The following PCDHA4 variants were observed in gnomAD, a reference collection of about 807,000 sequenced individuals.
The protein encoded by PCDHA4 is protocadherin alpha-4.
PCDHA4 carries 49 observed loss-of-function variants against 61.4 expected under a neutral mutation model. That is an observed-to-expected ratio of 0.80 (90% CI 0.63 to 1.01). PCDHA4 has a LOEUF of 1.01. Ranked by LOEUF, PCDHA4 falls within the 50% of genes least tolerant of loss-of-function variation. PCDHA4 has a pLI of 0.00. For missense variants in PCDHA4, 1,254 were observed against 1,235.8 expected (o/e 1.01, Z -0.22); for synonymous variants, 590 against 550.3 (o/e 1.07, Z -1.01).
intron 3 of PCDHA4, among the ~76,000 whole-genome samples, chr5:141,006,117 T>C (rs2098255751): frequency 6.6e-6 from 1 of 152,094 alleles, no homozygotes; most frequent in African/African-American, 2.4e-5. Flanking sequence ...TTTTTTTTTT[T>C]TTCTCAAGGC....
At chr5:140,967,699 T>C (rs781874469) in intron 1 of PCDHA4, 9 of 1,614,154 alleles carry the variant, frequency 5.6e-6, no homozygotes, top group Non-Finnish European at 7.6e-6. Context: ...TCAGCATAGA[T>C]GCCAGTACCG....
chr5:140,883,962 T>G, intron 1 of PCDHA4: 3 of 1,613,126 alleles, frequency 1.9e-6, no homozygotes, highest in Non-Finnish European at 2.5e-6. Context: ...GCTCCGGCGC[T>G]GCTGACGCCC....
At chr5:140,871,074 G>A (rs1210767724) in intron 1 of PCDHA4, 1 of 1,613,096 alleles carries the variant, frequency 6.2e-7, no homozygotes, top group African/African-American at 1.3e-5. Context: ...GTGAGCCGGC[G>A]CTGACGGCCA....
At chr5:140,860,913 A>G (rs1423371903) in intron 1 of PCDHA4, 5 of 152,086 alleles carry the variant, frequency 3.3e-5, no homozygotes, top group African/African-American at 9.7e-5. Flanking sequence ...AATTTTTTGT[A>G]TTTTTAGTAG....
chr5:140,841,750 A>G (rs1554138520), intron 1 of PCDHA4: 6 of 1,613,798 alleles, frequency 3.7e-6, no homozygotes, highest in Non-Finnish European at 5.1e-6. Context: ...TGTTTGTTTC[A>G]GAATCCAGAA....
chr5:140,870,229 C>G, intron 1 of PCDHA4: 3 of 1,614,164 alleles, frequency 1.9e-6, no homozygotes, highest in Non-Finnish European at 2.5e-6. Flanking sequence ...CGTGTCTGAC[C>G]GTGACTCAGG....
At chr5:140,882,606 C>A (rs782588313) in intron 1 of PCDHA4, 1 of 1,614,120 alleles carries the variant, frequency 6.2e-7, no homozygotes, top group African/African-American at 1.3e-5. Context: ...GTGGACAGGC[C>A]TCTGCAGGTT....
At chr5:140,851,058 T>G in intron 1 of PCDHA4, 1 of 1,377,986 alleles carries the variant, frequency 7.3e-7, no homozygotes, top group African/African-American at 1.5e-5. Context: ...TTGTCTTGAC[T>G]TCTAGTGAGA....
At chr5:140,968,659 C>A (rs781863651) in intron 1 of PCDHA4, 6 of 1,614,160 alleles carry the variant, frequency 3.7e-6, no homozygotes, top group East Asian at 2.2e-5. Context: ...CTGACCTGGA[C>A]CTCTTTAAGG....
intron 1 of PCDHA4, chr5:140,967,797 C>T: frequency 6.2e-7 from 1 of 1,614,184 alleles, no homozygotes; most frequent in East Asian, 2.2e-5. Flanking sequence ...GGTCCAGTGC[C>T]CATGGCAGGT....
intron 1 of PCDHA4, among the ~76,000 whole-genome samples, chr5:140,947,749 T>TC (rs1316656181): frequency 6.6e-6 from 1 of 151,628 alleles, no homozygotes; most frequent in Non-Finnish European, 1.5e-5. Flanking sequence ...TCTTATGTAT[T>TC]TTATGGTTTA....
chr5:140,965,206 T>A (rs2095879920), intron 1 of PCDHA4, among the ~76,000 whole-genome samples: 1 of 152,238 alleles, frequency 6.6e-6, no homozygotes. Flanking sequence ...AGATTTCAAA[T>A]TCCTGTGGAA....
At chr5:140,839,890 G>T (rs1168165739) in intron 1 of PCDHA4, among the ~76,000 whole-genome samples, 2 of 151,956 alleles carry the variant, frequency 1.3e-5, no homozygotes, top group Non-Finnish European at 2.9e-5. Context: ...AATTTTGACA[G>T]AAAAAGATGA....
chr5:140,984,550 A>C (rs1486017679), intron 3 of PCDHA4, among the ~76,000 whole-genome samples: 1 of 152,134 alleles, frequency 6.6e-6, no homozygotes, highest in Non-Finnish European at 1.5e-5. Flanking sequence ...GATAGAGCTT[A>C]CATCTTCCAA....
rs143298646 is a variant in PCDHA4 at position 140,846,200 on chromosome 5, T to A, written c.2385+36628T>A. ...TAGGCGTTTGAGTTCTTTGTATGTA[T>A]GAGATCTTTCCATTAATAGTATTTT... On this transcript the variant is annotated intron_variant, in intron 1 of 3. Coordinates refer to ENST00000530339, the MANE Select transcript of PCDHA4 (RefSeq NM_018907.4). Among the ~76,000 whole-genome samples, 321 of 149,672 alleles carry A rather than the reference T, an allele frequency of 2.1e-3. 23 individuals carry two copies. The highest frequency in any genetic ancestry group is 7.4e-3 in the African/African-American group (305 of 40,998).
chr5:140,906,194 A>C (rs543979654), intron 1 of PCDHA4, among the ~76,000 whole-genome samples: 6 of 152,288 alleles, frequency 3.9e-5, no homozygotes, highest in African/African-American at 1.2e-4. Context: ...AATCCAATCA[A>C]GTTGACACTC....
Position 140,869,893 on chromosome 5 carries a change from C to G in PCDHA4, c.2385+60321C>G, listed in dbSNP as rs375422597. 3 of 1,610,510 alleles carry G rather than the reference C, an allele frequency of 1.9e-6. No homozygotes were observed. The African/African-American group carries it at 4.0e-5, about 21-fold the overall frequency. ...TGCTAAAGAAACTCTTGTGCTCAAA[C>G]TAAACGCCACAGACCGAGACGAAGG... On this transcript the variant is annotated intron_variant, in intron 1 of 3. Transcript: ENST00000530339.
intron 1 of PCDHA4, chr5:140,871,435 G>T: frequency 6.2e-7 from 1 of 1,612,454 alleles, no homozygotes; most frequent in Non-Finnish European, 8.5e-7. Context: ...TCTTCCTCTA[G>T]GTCTGAATAA....
intron 1 of PCDHA4, chr5:140,865,878 T>C (rs1436758278): frequency 1.3e-5 from 2 of 152,170 alleles, no homozygotes; most frequent in Non-Finnish European, 2.9e-5. Flanking sequence ...GCTAGGAAAA[T>C]CAAGCACAAA....
Sources: gnomAD v4.1 joint callset for allele counts (sites outside exome capture counted in the v4.1 genomes callset) on GRCh38, gnomAD v4.1.1 for gene constraint, MANE v1.5 for transcripts, NCBI Gene and HGNC (gene_info 2026-07-23, HGNC 2026-07-21) for gene names.